DPM1: variants seen among roughly 807,000 people sequenced by gnomAD.
The protein encoded by DPM1 is dolichol-phosphate mannosyltransferase subunit 1.
Under a neutral mutation model 39.0 loss-of-function variants are expected in DPM1, and 27 were observed. That is an observed-to-expected ratio of 0.69 (90% CI 0.51 to 0.95). The LOEUF is 0.95. Among genes scored for constraint, DPM1 ranks in the 40% least tolerant of loss-of-function variants. The pLI, the probability that DPM1 is intolerant of heterozygous loss-of-function variation, is 0.00. For synonymous variants in DPM1, 124 were observed against 109.0 expected (o/e 1.14, Z -0.86); for missense variants, 307 against 315.6 (o/e 0.97, Z 0.21).
intron 7 of DPM1, among the ~76,000 whole-genome samples, chr20:50,937,751 C>A (rs2123068668): frequency 6.6e-6 from 1 of 152,204 alleles, no homozygotes; most frequent in South Asian, 2.1e-4. Context: ...CAGGCATGTG[C>A]CACCATGCCA....
At chr20:50,937,758 G>A (rs1985335046) in intron 7 of DPM1, among the ~76,000 whole-genome samples, 1 of 152,050 alleles carries the variant, frequency 6.6e-6, no homozygotes, top group Admixed American at 6.5e-5. Context: ...GTGCCACCAT[G>A]CCAGGCTAAG....
intron 7 of DPM1, 138 bp downstream of exon 7, chr20:50,940,727 C>T: frequency 1.3e-6 from 1 of 755,126 alleles, no homozygotes; most frequent in East Asian, 2.6e-5. Context: ...TCATTAGCAA[C>T]TTCTAGGAAT....
At chr20:50,957,990 G>A (rs1442338004) in intron 1 of DPM1, among the ~76,000 whole-genome samples, 9 of 152,210 alleles carry the variant, frequency 5.9e-5, no homozygotes, top group Non-Finnish European at 1.5e-5. Flanking sequence ...GAGAGTGAGA[G>A]CTCTCGCTTG....
At chr20:50,946,773 G>A (rs966405512) in intron 3 of DPM1, among the ~76,000 whole-genome samples, 3 of 152,144 alleles carry the variant, frequency 2.0e-5, no homozygotes, top group South Asian at 2.1e-4. Context: ...AACTTATTTT[G>A]TTAAGAAGTG....
Position 50,938,631 on chromosome 20 carries a change from C to T in DPM1, c.563+2234G>A, listed in dbSNP as rs574616197. ...TCCTGACCTTGTGATCCACCTGCCTCGGCCTCCCCAAGTACTGGGATTACA... is the reference window on the plus strand; with the variant it reads ...TCCTGACCTTGTGATCCACCTGCCTTGGCCTCCCCAAGTACTGGGATTACA... On this transcript the variant is annotated intron_variant, in intron 7 of 8. Transcript: ENST00000371588. 9.7e-4 allele frequency among the ~76,000 whole-genome samples: 146 copies of T among 150,602 alleles called. No homozygotes were observed. The South Asian group carries it at 0.014, about 15-fold the overall frequency.
chr20:50,956,683 A>G (rs1490662312), intron 1 of DPM1, among the ~76,000 whole-genome samples: 3 of 152,270 alleles, frequency 2.0e-5, no homozygotes, highest in African/African-American at 7.2e-5. Flanking sequence ...CAAGAGTAGA[A>G]CAATGACTTT....
At chr20:50,954,068 T>C (rs1476808952) in intron 2 of DPM1, among the ~76,000 whole-genome samples, 2 of 152,180 alleles carry the variant, frequency 1.3e-5, no homozygotes, top group African/African-American at 4.8e-5. Context: ...AGTAACACAG[T>C]TCCTTTAAAC....
chr20:50,946,160 C>A (rs189815595), intron 3 of DPM1, among the ~76,000 whole-genome samples: 1 of 152,184 alleles, frequency 6.6e-6, no homozygotes, highest in Non-Finnish European at 1.5e-5. Flanking sequence ...TAGATCATAC[C>A]TCTATTTCAG....
At chr20:50,935,341 A>G (rs549257253) in intron 8 of DPM1, 105 bp from the exon 9 acceptor site, 15 of 744,420 alleles carry the variant, frequency 2.0e-5, no homozygotes, top group African/African-American at 1.9e-4. Context: ...GTCCTACAAC[A>G]GAGGTCCTTA....
At chr20:50,947,862 C>T (rs1986378048) in intron 3 of DPM1, among the ~76,000 whole-genome samples, 1 of 152,160 alleles carries the variant, frequency 6.6e-6, no homozygotes, top group Non-Finnish European at 1.5e-5. Context: ...CTCTTGACCT[C>T]GTGCTCTGCC....
intron 2 of DPM1, among the ~76,000 whole-genome samples, chr20:50,952,552 A>G (rs1244548549): frequency 6.6e-5 from 10 of 152,218 alleles, no homozygotes; most frequent in Non-Finnish European, 1.2e-4. Context: ...TCTTCAGCTA[A>G]TAAGGCTAAT....
At chr20:50,941,897 T>G in intron 6 of DPM1, 134 bp downstream of exon 6, 1 of 765,476 alleles carries the variant, frequency 1.3e-6, no homozygotes, top group Non-Finnish European at 2.3e-6. Context: ...TGTAAGAAAC[T>G]ATCTGGGAGT....
At chr20:50,942,371 T>C (rs1306483879) in intron 5 of DPM1, among the ~76,000 whole-genome samples, 1 of 152,040 alleles carries the variant, frequency 6.6e-6, no homozygotes, top group Non-Finnish European at 1.5e-5. Flanking sequence ...CCTGGCGCGG[T>C]GGCGGGTGCC....
At chr20:50,952,383 A>T (rs1367953114) in intron 2 of DPM1, among the ~76,000 whole-genome samples, 1 of 152,224 alleles carries the variant, frequency 6.6e-6, no homozygotes, top group East Asian at 1.9e-4. Flanking sequence ...TACTTATTAC[A>T]AAGGCATTAA....
At chr20:50,958,543 C>T, upstream of DPM1, 1 of 1,612,884 alleles carries the variant, frequency 6.2e-7, no homozygotes, top group Non-Finnish European at 8.5e-7. Flanking sequence ...GAGCCAGATG[C>T]CGGAAGCGGA....
At chr20:50,949,478 C>T (rs1285558529) in intron 2 of DPM1, among the ~76,000 whole-genome samples, 1 of 152,178 alleles carries the variant, frequency 6.6e-6, no homozygotes, top group African/African-American at 2.4e-5. Context: ...TAATTAAATT[C>T]TTTCTCTTTT....
At chr20:50,941,320 TTATATATTCATATATATTCGTATTA>T (rs1469868169) in intron 6 of DPM1, 1 of 136,002 alleles carries the variant, frequency 7.4e-6, no homozygotes, top group Non-Finnish European at 1.3e-5. Context: ...TATATTCATA[TTATATATTCATATATATTCGTATTA>T]TATATATTCA....
chr20:50,943,367 T>C (rs1986024677), intron 5 of DPM1, among the ~76,000 whole-genome samples: 1 of 152,148 alleles, frequency 6.6e-6, no homozygotes, highest in East Asian at 1.9e-4. Context: ...TTGTTTTGTT[T>C]TGTTTTTTTT....
Position 50,958,369 on chromosome 20 carries a change from G to A in DPM1, c.155C>T (p.Ser52Phe), listed in dbSNP as rs769366998. The A allele has an allele frequency of 1.9e-6, 3 of 1,613,642 alleles. No homozygotes were observed. The highest frequency in any genetic ancestry group is 2.5e-6 in the Non-Finnish European group (3 of 1,180,030). The change falls in exon 1 of 9, where the codon TCC (serine) becomes TTC (phenylalanine). Residue 52 changes from serine (S) to phenylalanine (F), a missense_variant. Physicochemically the swap from Ser to Phe is radical, Grantham distance 155. Coordinates refer to ENST00000371588, the MANE Select transcript of DPM1 (RefSeq NM_003859.3). ...GGGAGACCTGGTGCGCTACCTCTCG[G>A]AGAAGCTTTTCACCAGCAGCCACAC... ...LIVWLLVKSF[S>F]ESGINYEIII...
Sources: allele counts gnomAD v4.1 joint callset (sites outside exome capture counted in the v4.1 genomes callset), GRCh38; gene constraint gnomAD v4.1.1; transcripts MANE v1.5; gene names NCBI Gene and HGNC (gene_info 2026-07-23, HGNC 2026-07-21).